Variants in MGAT4D observed in about 807,000 individuals in gnomAD.
MGAT4D encodes the protein alpha-1,3-mannosyl-glycoprotein 4-beta-N-acetylglucosaminyltransferase-like protein MGAT4D.
A neutral mutation model predicts 15.9 loss-of-function variants in MGAT4D; 34 were observed. The observed-to-expected ratio is 2.14, with a 90% CI of 1.62 to 2.84. The LOEUF (loss-of-function observed/expected upper bound fraction) is 2.84, where lower values mean the gene tolerates loss of function less well. MGAT4D is among the 30% of genes most tolerant of loss of function. The probability of loss-of-function intolerance (pLI) is 0.00; values close to 1 mark genes in which losing one functional copy is unlikely to be tolerated. For missense variants in MGAT4D, 327 were observed against 140.2 expected, an observed-to-expected ratio of 2.33 and a Z score of -6.73; for synonymous variants, 112 against 48.2, an observed-to-expected ratio of 2.33 and a Z score of -5.49.
chr4:140,474,936 C>A lies in MGAT4D; in HGVS notation c.402G>T (p.Ala134=). ...IGKGKTGVSF[A]LGISTVNRGN... is the part of the protein sequence containing the mutation. ...CTCTGTTAACAGTGGAAATACCCAG[C>A]GCAAAAGAAACTGTGGACATAGGAG... Residue 134 remains alanine (A), a synonymous_variant, in exon 4 of 11, where the codon GCG becomes GCT. Coordinates refer to ENST00000511113, the MANE Select transcript of MGAT4D (RefSeq NM_001277353.2). The A allele has an allele frequency of 1.5e-6, 1 of 682,492 alleles. No individual in the cohort carries two copies. Among genetic ancestry groups the A allele is most frequent in the Admixed American group, 2.2e-5 (1 of 45,736 alleles). The allele number at this position is 682,492 out of a possible 1,614,324, so 42.3% of individuals were successfully genotyped here. A position where few individuals can be genotyped will look rare whatever the true frequency, so the allele number is the denominator to read the frequency against.
chr4:140,459,137 A>G (rs1560771794), intron 8 of MGAT4D: 1 of 152,820 alleles, frequency 6.5e-6, no homozygotes, highest in Non-Finnish European at 1.5e-5. Context: ...ACTGAGTTAA[A>G]GTCCCTTTCT....
At chr4:140,445,247 T>G (rs1437973274) in intron 10 of MGAT4D, among the ~76,000 whole-genome samples, 1 of 152,160 alleles carries the variant, frequency 6.6e-6, no homozygotes, top group Non-Finnish European at 1.5e-5. Flanking sequence ...TCACTGTGGT[T>G]TGGGTTTAGT....
rs138446354 is a variant in MGAT4D at position 140,483,891 on chromosome 4, C to A, written c.95-1406G>T. On this transcript the variant is annotated intron_variant, in intron 1 of 10. Coordinates refer to ENST00000511113, the MANE Select transcript of MGAT4D (RefSeq NM_001277353.2). ...TGGATGAAAGACTTAAGTGTAAGAC[C>A]TGAAACTGTAAGATTACTAGAAGAA... Among the ~76,000 whole-genome samples, 1,301 of 152,192 alleles carry A rather than the reference C, an allele frequency of 8.5e-3. 17 individuals carry two copies. Among genetic ancestry groups the A allele is most frequent in the African/African-American group, 0.029 (1,206 of 41,548 alleles).
chr4:140,473,239 T>C (rs1489865743), intron 4 of MGAT4D, among the ~76,000 whole-genome samples: 1 of 152,074 alleles, frequency 6.6e-6, no homozygotes, highest in African/African-American at 2.4e-5. Flanking sequence ...CACTTAACAA[T>C]AGGACATGAA....
intron 1 of MGAT4D, among the ~76,000 whole-genome samples, chr4:140,492,825 T>C (rs1733591547): frequency 6.6e-6 from 1 of 152,138 alleles, no homozygotes; most frequent in South Asian, 2.1e-4. Flanking sequence ...GGAATGAGAC[T>C]GAATAACCGA....
At chr4:140,491,857 C>A (rs1429584040) in intron 1 of MGAT4D, among the ~76,000 whole-genome samples, 1 of 152,006 alleles carries the variant, frequency 6.6e-6, no homozygotes, top group Non-Finnish European at 1.5e-5. Flanking sequence ...CTCTGTCCCC[C>A]CAGCTCTTTC....
intron 1 of MGAT4D, among the ~76,000 whole-genome samples, chr4:140,487,434 T>C (rs1379121539): frequency 6.6e-6 from 1 of 152,166 alleles, no homozygotes; most frequent in Non-Finnish European, 1.5e-5. Flanking sequence ...TGTGTTCCAG[T>C]AGAAATAAAA....
chr4:140,471,374 G>C (rs1731949412), intron 5 of MGAT4D, among the ~76,000 whole-genome samples: 1 of 151,860 alleles, frequency 6.6e-6, no homozygotes. Context: ...ACAGCATCTT[G>C]CTTGATAAAG....
At chr4:140,497,011 A>G (rs1578734984) in intron 1 of MGAT4D, among the ~76,000 whole-genome samples, 1 of 152,318 alleles carries the variant, frequency 6.6e-6, no homozygotes, top group East Asian at 1.9e-4. Flanking sequence ...AGATTAGTAG[A>G]AATATTATAA....
intron 1 of MGAT4D, among the ~76,000 whole-genome samples, chr4:140,490,269 G>A (rs535213898): frequency 1.2e-4 from 19 of 152,280 alleles, no homozygotes; most frequent in African/African-American, 4.6e-4. Context: ...TTTGTTGAAA[G>A]GTGTCCAGTT....
At chr4:140,475,094 A>G (rs1004075272) in intron 3 of MGAT4D, 148 bp from the exon 4 acceptor site, 5 of 410,518 alleles carry the variant, frequency 1.2e-5, no homozygotes, top group Non-Finnish European at 2.1e-5. Flanking sequence ...AATCCAAACT[A>G]TGTTAATTTT....
intron 3 of MGAT4D, among the ~76,000 whole-genome samples, chr4:140,477,472 G>T (rs998062363): frequency 6.6e-6 from 1 of 152,232 alleles, no homozygotes; most frequent in Non-Finnish European, 1.5e-5. Flanking sequence ...CATTTAAGCT[G>T]AAAAGTCATA....
intron 1 of MGAT4D, among the ~76,000 whole-genome samples, chr4:140,483,125 T>G (rs1044087890): frequency 4.6e-5 from 7 of 152,168 alleles, no homozygotes; most frequent in African/African-American, 1.7e-4. Flanking sequence ...CTGGTGTAAA[T>G]GCATACATAA....
At chr4:140,482,173 G>A (rs551773762) in intron 2 of MGAT4D, among the ~76,000 whole-genome samples, 154 bp downstream of exon 2, 1 of 152,212 alleles carries the variant, frequency 6.6e-6, no homozygotes, top group South Asian at 2.1e-4. Context: ...GAAGAAGTAG[G>A]TCAGTGATAT....
chr4:140,488,431 T>C (rs1167309424), intron 1 of MGAT4D, among the ~76,000 whole-genome samples: 3 of 152,244 alleles, frequency 2.0e-5, no homozygotes, highest in African/African-American at 7.2e-5. Flanking sequence ...AATGTGGGAA[T>C]GGTGCATATA....
At chr4:140,491,907 G>A (rs566506791) in intron 1 of MGAT4D, among the ~76,000 whole-genome samples, 1 of 145,250 alleles carries the variant, frequency 6.9e-6, no homozygotes, top group South Asian at 2.2e-4. Context: ...AAAGGAGGAG[G>A]GGGGTGCAGC....
chr4:140,450,927 T>G (rs1024123594), intron 10 of MGAT4D, among the ~76,000 whole-genome samples: 10 of 152,256 alleles, frequency 6.6e-5, no homozygotes, highest in African/African-American at 2.4e-4. Flanking sequence ...ATCAAAAATA[T>G]TATATCTGAA....
At chr4:140,468,125 A>T in intron 5 of MGAT4D, among the ~76,000 whole-genome samples, 1 of 98,886 alleles carries the variant, frequency 1.0e-5, no homozygotes, top group East Asian at 3.2e-4. Flanking sequence ...AATATTCACT[A>T]TTATATTATT....
chr4:140,461,474 C>T (rs1354886907), intron 7 of MGAT4D, among the ~76,000 whole-genome samples: 1 of 152,034 alleles, frequency 6.6e-6, no homozygotes, highest in Non-Finnish European at 1.5e-5. Context: ...TTTACAAATA[C>T]AGTAAGGCAC....
Sources: allele counts gnomAD v4.1 joint callset (sites outside exome capture counted in the v4.1 genomes callset), GRCh38; gene constraint gnomAD v4.1.1; transcripts MANE v1.5; gene names NCBI Gene and HGNC (gene_info 2026-07-23, HGNC 2026-07-21).